TLN2: variants seen among roughly 807,000 people sequenced by gnomAD.
TLN2 encodes the protein talin 2.
In TLN2, 118 loss-of-function variants were observed where a neutral mutation model predicts 294.7. The observed-to-expected ratio is 0.40, with a 90% CI of 0.34 to 0.47. TLN2 has a LOEUF of 0.47. Ranked by LOEUF, TLN2 falls within the 20% of genes least tolerant of loss-of-function variation. TLN2 has a pLI of 0.84. For synonymous variants in TLN2, 1,431 were observed against 1,304.5 expected, an observed-to-expected ratio of 1.10 and a Z score of -2.09; for missense variants, 3,083 against 3,282.2, an observed-to-expected ratio of 0.94 and a Z score of 1.48.
chr15:62,727,109 TG>T lies in TLN2; in HGVS notation c.3281del (p.Gly1094GlufsTer15), dbSNP rs1319920711. ...TAGCTGGAAAAATGTGCTCAGGACCTGGGAAGCACATCCAAGGCGGTGGGCT... is the reference window on the plus strand; with the variant it reads ...TAGCTGGAAAAATGTGCTCAGGACCTGGAAGCACATCCAAGGCGGTGGGCT... ...GETLEKCAQD[L>X]GSTSKAVGSS... On this transcript the variant is annotated frameshift_variant, in exon 28 of 59. Coordinates refer to ENST00000636159, the MANE Select transcript of TLN2 (RefSeq NM_015059.3). LOFTEE classifies it high-confidence loss of function. 1.2e-6 allele frequency: 2 copies of T among 1,614,094 alleles called. No homozygotes were observed. Among genetic ancestry groups the T allele is most frequent in the Admixed American group, 3.3e-5 (2 of 60,002 alleles).
intron 48 of TLN2, among the ~76,000 whole-genome samples, chr15:62,797,671 C>T (rs556440865): frequency 7.2e-4 from 109 of 152,238 alleles, no homozygotes; most frequent in African/African-American, 2.3e-3. Flanking sequence ...GGCTGGAGCA[C>T]GGCATACCTG....
intron 41 of TLN2, 48 bp from the exon 42 acceptor site, chr15:62,770,915 AC>A (rs1402516873): frequency 2.6e-6 from 4 of 1,567,330 alleles, no homozygotes; most frequent in Non-Finnish European, 1.7e-6. Context: ...TGAAGGAGAC[AC>A]GTGTATTTAC....
intron 32 of TLN2, among the ~76,000 whole-genome samples, chr15:62,746,946 G>T (rs919645003): frequency 3.9e-5 from 6 of 152,146 alleles, no homozygotes; most frequent in African/African-American, 7.2e-5. Context: ...AAGACTTAGT[G>T]TAAAGCTAGT....
chr15:62,730,145 C>T (rs921554078), intron 28 of TLN2, among the ~76,000 whole-genome samples: 2 of 129,098 alleles, frequency 1.5e-5, no homozygotes, highest in African/African-American at 5.1e-5. Context: ...TCTCCTGCCT[C>T]AGCCTCCTGC....
Position 62,708,694 on chromosome 15 carries a change from C to T in TLN2, c.2365C>T (p.Arg789Trp), listed in dbSNP as rs375692009. ...CCTCCATGATCTCCTGCAGCATGTG[C>T]GGCAGTTTGCCAGCCGAGGCGAGCC... is the stretch of plus-strand genomic sequence containing the variant. ...QALHDLLQHV[R>W]QFASRGEPIG... The change falls in exon 21 of 59, where the codon CGG becomes TGG. Residue 789 changes from arginine (R) to tryptophan (W), a missense_variant. Arg to Trp is a moderately radical substitution (Grantham distance 101, BLOSUM62 -3). Transcript: ENST00000636159. The T allele has an allele frequency of 6.3e-5, 101 of 1,613,862 alleles. No individual in the cohort carries two copies. Among genetic ancestry groups the T allele is most frequent in the Non-Finnish European group, 8.1e-5 (95 of 1,180,052 alleles).
At position 62,771,067 on chromosome 15, in the gene TLN2, C is replaced by A; in HGVS notation, c.5300C>A (p.Thr1767Asn). The A allele has an allele frequency of 3.7e-6, 6 of 1,613,580 alleles. No individual in the cohort carries two copies. The highest frequency in any genetic ancestry group is 5.1e-6 in the Non-Finnish European group (6 of 1,179,920). The change falls in exon 42 of 59, where the codon ACC becomes AAC. Residue 1767 changes from threonine (T) to asparagine (N), a missense_variant. Thr to Asn is a moderately conservative substitution (Grantham distance 65, BLOSUM62 0). Coordinates refer to ENST00000636159, the MANE Select transcript of TLN2 (RefSeq NM_015059.3). ...CAGCAGATGACGGTGCTGGACCAGA[C>A]CAAGACTCTCGCAGAGTCTGCCTTG... Reference protein sequence around the residue: ...HQQQMTVLDQTKTLAESALQM... With the variant: ...HQQQMTVLDQNKTLAESALQM...
rs558629947 is a variant in TLN2, at chr15:62,640,946, C to T, written c.-36-6329C>T. ...CCTCCTGGGTGGCTGGGATTACAGG[C>T]GCCCGCCACCATGCTCGGCTAATTT... On this transcript the variant is annotated intron_variant, in intron 3 of 58. Coordinates refer to ENST00000636159, the MANE Select transcript of TLN2 (RefSeq NM_015059.3). Among the ~76,000 whole-genome samples the T allele has an allele frequency of 5.3e-5, 8 of 152,086 alleles. No individual in the cohort carries two copies. In the East Asian group the frequency reaches 1.2e-3, roughly 22 times the overall value.
At chr15:62,565,541 C>T (rs753742365) in intron 1 of TLN2, among the ~76,000 whole-genome samples, 1 of 152,180 alleles carries the variant, frequency 6.6e-6, no homozygotes, top group African/African-American at 2.4e-5. Flanking sequence ...CACTGCCTGG[C>T]AACAGTTGGA....
chr15:62,739,328 G>A lies in TLN2; in HGVS notation c.3688-20G>A, dbSNP rs370822170. 1.9e-6 allele frequency: 3 copies of A among 1,607,058 alleles called. No individual in the cohort carries two copies. The highest frequency in any genetic ancestry group is 2.2e-5 in the South Asian group (2 of 89,998). The stretch of plus-strand genomic sequence containing the variant: ...TGCAAAGCAGAATGTCTCATGGGGT[G>A]TGCCGTCTGTTCCCCACAGCTACCT... On this transcript the variant is annotated intron_variant, in intron 30 of 58. Transcript: ENST00000636159.
chr15:62,516,717 TA>T (rs112836416), intron 1 of TLN2, among the ~76,000 whole-genome samples: 1 of 152,190 alleles, frequency 6.6e-6, no homozygotes, highest in Non-Finnish European at 1.5e-5. Context: ...ACAGAAGCTC[TA>T]GGGGGCAGGT....
chr15:62,803,975 T>G (rs1316030926), intron 50 of TLN2, among the ~76,000 whole-genome samples: 2 of 152,216 alleles, frequency 1.3e-5, no homozygotes, highest in East Asian at 3.8e-4. Flanking sequence ...TGTTATGATC[T>G]AAGCCGTATC....
At chr15:62,769,748 CAT>C (rs35619234) in intron 41 of TLN2, among the ~76,000 whole-genome samples, 3,681 of 152,096 alleles carry the variant, frequency 0.024, 71 homozygotes, top group Non-Finnish European at 0.039. Flanking sequence ...ATTCTTCTAA[CAT>C]GTGATGGGAA....
intron 54 of TLN2, chr15:62,831,341 A>AATGAG (rs2068824907): frequency 6.6e-6 from 1 of 152,078 alleles, no homozygotes; most frequent in African/African-American, 2.4e-5. Flanking sequence ...TCATCTGCAA[A>AATGAG]ATGAGATGAG....
chr15:62,638,803 G>A (rs778821631), intron 3 of TLN2, among the ~76,000 whole-genome samples: 2 of 152,066 alleles, frequency 1.3e-5, no homozygotes, highest in African/African-American at 2.4e-5. Flanking sequence ...AATACACGTG[G>A]TCCTTGCCCT....
At chr15:62,678,737 A>G (rs1016702823) in intron 11 of TLN2, among the ~76,000 whole-genome samples, 1 of 152,208 alleles carries the variant, frequency 6.6e-6, no homozygotes, top group Non-Finnish European at 1.5e-5. Flanking sequence ...TGGCTGAGGC[A>G]GGAGAATCGT....
intron 43 of TLN2, 40 bp from the exon 44 acceptor site, chr15:62,781,100 G>T (rs2064127645): frequency 2.7e-6 from 4 of 1,483,322 alleles, no homozygotes; most frequent in Middle Eastern, 3.5e-4. Context: ...ACTTCAGCAG[G>T]CTTCTTATGA....
rs779233338 is a variant in TLN2 at position 62,797,210 on chromosome 15, C to A, written c.6051-9C>A. 36 of 1,613,976 alleles carry A rather than the reference C, an allele frequency of 2.2e-5. No homozygotes were observed. Among genetic ancestry groups the A allele is most frequent in the Non-Finnish European group, 3.1e-5 (36 of 1,180,016 alleles). ...CTCCCCCTCTCCCCTGCCCTCCTGG[C>A]TCTCTCAGGGAGAACATTCTCAAGA... On this transcript the variant is annotated splice_polypyrimidine_tract_variant and intron_variant, in intron 47 of 58. Coordinates refer to ENST00000636159, the MANE Select transcript of TLN2 (RefSeq NM_015059.3).
intron 35 of TLN2, among the ~76,000 whole-genome samples, chr15:62,752,965 G>A (rs992546533): frequency 2.6e-5 from 4 of 152,148 alleles, no homozygotes; most frequent in Non-Finnish European, 5.9e-5. Flanking sequence ...TCATTTGACA[G>A]TTACCTTGAA....
In TLN2 at chr15:62,822,650, T is replaced by C. The variant is rs189272532; in HGVS notation, c.7002+2040T>C. ...CCATTGTCAGAGAAGGCTTGTCTAGTCCCACAAAGGCCATTTGTAGTTTAT... is the reference window on the plus strand; with the variant it reads ...CCATTGTCAGAGAAGGCTTGTCTAGCCCCACAAAGGCCATTTGTAGTTTAT... On this transcript the variant is annotated intron_variant, in intron 54 of 58. Transcript: ENST00000636159. Among the ~76,000 whole-genome samples the C allele has an allele frequency of 9.8e-5, 15 of 152,322 alleles. No individual in the cohort carries two copies. In the East Asian group the frequency reaches 1.5e-3, roughly 16 times the overall value.
Sources: gnomAD v4.1 joint callset for allele counts (sites outside exome capture counted in the v4.1 genomes callset) on GRCh38, gnomAD v4.1.1 for gene constraint, MANE v1.5 for transcripts, NCBI Gene and HGNC (gene_info 2026-07-23, HGNC 2026-07-21) for gene names.